The following ADAM28 variants were observed in gnomAD, a reference collection of about 807,000 sequenced individuals.
The protein encoded by ADAM28 is ADAM metallopeptidase domain 28, also known as disintegrin and metalloproteinase domain-containing protein 28.
ADAM28 carries 105 observed loss-of-function variants against 101.2 expected under a neutral mutation model. The ratio of observed to expected loss-of-function variants is 1.04; its 90% CI spans 0.89 to 1.22. The LOEUF (loss-of-function observed/expected upper bound fraction) is 1.22. ADAM28 is among the 50% of genes most tolerant of loss of function. ADAM28 has a pLI of 0.00. For synonymous variants in ADAM28, 322 were observed against 310.6 expected (o/e 1.04, Z -0.39); for missense variants, 1,028 against 945.4 (o/e 1.09, Z -1.15).
chr8:24,345,699 AT>A (rs1348705142), intron 18 of ADAM28, among the ~76,000 whole-genome samples: 7 of 152,062 alleles, frequency 4.6e-5, no homozygotes, highest in African/African-American at 1.7e-4. Flanking sequence ...TAATCTTTTG[AT>A]TCAACCGATG....
chr8:24,348,518 C>G (rs947644464), intron 18 of ADAM28, among the ~76,000 whole-genome samples: 1 of 152,138 alleles, frequency 6.6e-6, no homozygotes, highest in African/African-American at 2.4e-5. Flanking sequence ...TATTTTCTGT[C>G]TCTCCAGGTC....
intron 1 of ADAM28, among the ~76,000 whole-genome samples, chr8:24,296,803 T>C (rs28653133): frequency 0.024 from 3,639 of 152,314 alleles, 158 homozygotes; most frequent in African/African-American, 0.081. Flanking sequence ...CTTGGATTTG[T>C]GTAATCCCTG....
In ADAM28 at chr8:24,348,544, A is replaced by G. The variant is rs552620102; in HGVS notation, c.1991-1320A>G. Among the ~76,000 whole-genome samples the G allele has an allele frequency of 3.9e-5, 6 of 152,232 alleles. No individual in the cohort carries two copies. In the South Asian group the frequency reaches 1.2e-3, roughly 32 times the overall value. On this transcript the variant is annotated intron_variant, in intron 18 of 22. Coordinates refer to ENST00000265769, the MANE Select transcript of ADAM28 (RefSeq NM_014265.6). ...TCTCCAGGTCCTTGCCCACTCACTA[A>G]TCTCTACAAAGTAATTTTATCTAAC...
intron 10 of ADAM28, among the ~76,000 whole-genome samples, chr8:24,328,152 AT>A (rs1231699573): frequency 6.6e-6 from 1 of 151,766 alleles, no homozygotes; most frequent in Non-Finnish European, 1.5e-5. Context: ...TCTAGTATAT[AT>A]TTTTTCCTTT....
At chr8:24,313,643 CA>C in intron 6 of ADAM28, 63 bp downstream of exon 6, 2 of 1,522,030 alleles carry the variant, frequency 1.3e-6, no homozygotes, top group East Asian at 2.3e-5. Flanking sequence ...CCAGAATTAG[CA>C]GTGCAATTTA....
chr8:24,354,593 C>A lies in ADAM28; in HGVS notation c.*189C>A, dbSNP rs762499572. 8 of 485,762 alleles carry A rather than the reference C, an allele frequency of 1.6e-5. No homozygotes were observed. The highest frequency in any genetic ancestry group is 2.9e-5 in the Non-Finnish European group (8 of 280,266). 30.1% of individuals were successfully genotyped at this position (485,762 alleles called of 1,614,324 possible). On this transcript the variant is annotated 3_prime_UTR_variant, in exon 23 of 23. Coordinates refer to ENST00000265769, the MANE Select transcript of ADAM28 (RefSeq NM_014265.6). ...TTCAAGAGGAACATATGCCTGAGAA[C>A]CTTTGCATGAATTTAAAATTTCAAT...
chr8:24,321,547 G>T, intron 8 of ADAM28: 1 of 421,086 alleles, frequency 2.4e-6, no homozygotes, highest in Non-Finnish European at 4.4e-6. Flanking sequence ...TGGGTGCATT[G>T]TATTTTCCAA....
At chr8:24,326,747 A>T in intron 10 of ADAM28, 112 bp downstream of exon 10, 1 of 932,754 alleles carries the variant, frequency 1.1e-6, no homozygotes. Flanking sequence ...TGACATGGTA[A>T]ATAACACTGA....
At chr8:24,297,150 ATGT>A (rs1472834848) in intron 1 of ADAM28, among the ~76,000 whole-genome samples, 3 of 148,204 alleles carry the variant, frequency 2.0e-5, no homozygotes, top group Middle Eastern at 3.4e-3. Flanking sequence ...TCTAAAAGAA[ATGT>A]TGTGGGTTTT....
intron 2 of ADAM28, chr8:24,308,702 G>C: frequency 8.8e-6 from 4 of 456,130 alleles, no homozygotes; most frequent in Non-Finnish European, 1.3e-5. Flanking sequence ...GCCCACATTT[G>C]GGGGAAATTT....
At chr8:24,326,700 A>G (rs955066090) in intron 10 of ADAM28, 65 bp downstream of exon 10, 10 of 1,453,448 alleles carry the variant, frequency 6.9e-6, no homozygotes, top group Admixed American at 5.4e-5. Flanking sequence ...TAAAAAATCT[A>G]TAGAGAAGAT....
intron 6 of ADAM28, among the ~76,000 whole-genome samples, chr8:24,318,240 C>T (rs757205347): frequency 6.6e-6 from 1 of 152,010 alleles, no homozygotes; most frequent in Admixed American, 6.6e-5. Context: ...TCTTATCCCT[C>T]TGTTTCCATT....
intron 2 of ADAM28, among the ~76,000 whole-genome samples, chr8:24,307,969 GC>G (rs1313773409): frequency 6.6e-6 from 1 of 152,144 alleles, no homozygotes; most frequent in Non-Finnish European, 1.5e-5. Flanking sequence ...TTCTACGGCT[GC>G]CCTTGATATT....
At chr8:24,312,444 A>G (rs10095918) in intron 5 of ADAM28, among the ~76,000 whole-genome samples, 3,814 of 152,100 alleles carry the variant, frequency 0.025, 178 homozygotes, top group African/African-American at 0.085. Flanking sequence ...ACACTTTCTG[A>G]AATTGTTCAT....
chr8:24,294,279 AT>A, intron 1 of ADAM28, 84 bp downstream of exon 1: 1 of 1,490,338 alleles, frequency 6.7e-7, no homozygotes, highest in Admixed American at 1.8e-5. Flanking sequence ...TGTATAAACT[AT>A]TTTGACTTTT....
intron 13 of ADAM28, among the ~76,000 whole-genome samples, chr8:24,334,442 G>A (rs186906361): frequency 6.6e-5 from 10 of 152,262 alleles, no homozygotes; most frequent in South Asian, 2.1e-4. Flanking sequence ...GCAGCAATTT[G>A]CATTAAAGGT....
chr8:24,295,255 C>T (rs1165467628), intron 1 of ADAM28, among the ~76,000 whole-genome samples: 1 of 151,994 alleles, frequency 6.6e-6, no homozygotes, highest in African/African-American at 2.4e-5. Flanking sequence ...ATAATATGTA[C>T]CTATATCTGA....
At chr8:24,345,028 CAAAA>C (rs199510483) in intron 18 of ADAM28, among the ~76,000 whole-genome samples, 11,403 of 126,812 alleles carry the variant, frequency 0.09, 769 homozygotes, top group African/African-American at 0.21. Context: ...TATTTAATGT[CAAAA>C]AAAAAAAAAA....
intron 10 of ADAM28, 23 bp downstream of exon 10, chr8:24,326,658 G>A (rs1812660360): frequency 6.3e-7 from 1 of 1,589,640 alleles, no homozygotes; most frequent in African/African-American, 1.3e-5. Flanking sequence ...ATAAACTGTT[G>A]GTTCTATGAT....
Sources: allele counts gnomAD v4.1 joint callset (sites outside exome capture counted in the v4.1 genomes callset), GRCh38; gene constraint gnomAD v4.1.1; transcripts MANE v1.5; gene names NCBI Gene and HGNC (gene_info 2026-07-23, HGNC 2026-07-21).